TMC6: variants seen among roughly 807,000 people sequenced by gnomAD.
TMC6 encodes transmembrane channel like 6.
Under a neutral mutation model 95.4 loss-of-function variants are expected in TMC6, and 71 were observed. The observed-to-expected ratio is 0.74, with a 90% CI of 0.61 to 0.91. The LOEUF (loss-of-function observed/expected upper bound fraction) is 0.91. TMC6 is among the 40% of genes least tolerant of loss of function. TMC6 has a pLI of 0.00. For missense variants in TMC6, 1,074 were observed against 1,079.1 expected (o/e 1.00, Z 0.07); for synonymous variants, 514 against 483.1 (o/e 1.06, Z -0.84).
In TMC6 at chr17:78,108,108, C is replaced by G. The variant is rs2073736404; in HGVS notation, c.*5040G>C. On this transcript the variant is annotated 3_prime_UTR_variant, in exon 20 of 20. Coordinates refer to ENST00000590602, the MANE Select transcript of TMC6 (RefSeq NM_001127198.5). ...GGTGTTACAGACAGGCCTCTGAAGA[C>G]AAACCGAGCACCCCAGCGGCCCCTC... The G allele has an allele frequency of 6.6e-6, 1 of 152,258 alleles. No homozygotes were observed. The highest frequency in any genetic ancestry group is 1.5e-5 in the Non-Finnish European group (1 of 68,094). The allele number at this position is 152,258 out of a possible 1,614,324, so 9.4% of individuals were successfully genotyped here. A position where few individuals can be genotyped will look rare whatever the true frequency, so the allele number is the denominator to read the frequency against.
chr17:78,119,355 G>T lies in TMC6; in HGVS notation c.1753C>A (p.Pro585Thr), dbSNP rs377112991. 61 of 1,613,930 alleles carry T rather than the reference G, an allele frequency of 3.8e-5. No homozygotes were observed. Among genetic ancestry groups the T allele is most frequent in the Non-Finnish European group, 4.5e-5 (53 of 1,180,036 alleles). ...SEKKLKRRRKPEFDIARNVLE... is the reference protein window; with the variant it reads ...SEKKLKRRRKTEFDIARNVLE... Reference sequence around the variant, plus strand: ...ACATTCCGGGCAATGTCAAACTCCGGCTTCCGCCTCCTCTTCAGCTTCTTC... The same window carrying T: ...ACATTCCGGGCAATGTCAAACTCCGTCTTCCGCCTCCTCTTCAGCTTCTTC... Residue 585 changes from proline (P) to threonine (T), a missense_variant, in exon 14 of 20, where the codon CCG becomes ACG. Coordinates refer to ENST00000590602, the MANE Select transcript of TMC6 (RefSeq NM_001127198.5).
At chr17:78,116,552 C>T (rs1260523995) in intron 18 of TMC6, among the ~76,000 whole-genome samples, 1 of 152,020 alleles carries the variant, frequency 6.6e-6, no homozygotes, top group African/African-American at 2.4e-5. Flanking sequence ...GGACTATAGG[C>T]ATGAGCCCCA....
rs75460323 is a variant in TMC6, at chr17:78,117,210, G to A, written c.2277+59C>T. 6,396 of 1,567,796 alleles carry A rather than the reference G, an allele frequency of 4.1e-3. 85 individuals carry two copies. Among genetic ancestry groups the A allele is most frequent in the African/African-American group, 0.028 (2,108 of 74,198 alleles). Reference sequence around the variant, plus strand: ...GATGTACAGGGGAGTGGAGGGGAGCGTCACCCTCAGGTGACCTGAGAGGGT... The same window carrying A: ...GATGTACAGGGGAGTGGAGGGGAGCATCACCCTCAGGTGACCTGAGAGGGT... On this transcript the variant is annotated intron_variant, in intron 18 of 19. Coordinates refer to ENST00000590602, the MANE Select transcript of TMC6 (RefSeq NM_001127198.5).
Position 78,120,802 on chromosome 17 carries a change from C to A in TMC6, c.1566G>T (p.Gly522=), listed in dbSNP as rs2074375146. The change falls in exon 13 of 20, where the codon GGG becomes GGT. Residue 522 remains glycine, a synonymous_variant. Transcript: ENST00000590602. ...GGCCCAGCCAGTGGTAGCACAGTGTCCCCAGGATGGCCAGCTTGAGGATGA... is the reference window on the plus strand; with the variant it reads ...GGCCCAGCCAGTGGTAGCACAGTGTACCCAGGATGGCCAGCTTGAGGATGA... The part of the protein sequence containing the change: ...RNLILKLAIL[G]TLCYHWLGRR... 6.2e-7 allele frequency: 1 copy of A among 1,613,182 alleles called. No individual in the cohort carries two copies. Among genetic ancestry groups the A allele is most frequent in the Non-Finnish European group, 8.5e-7 (1 of 1,179,536 alleles).
rs1176544511 is a variant in TMC6, at chr17:78,128,050, G to A, written c.-75+562C>T. 6.6e-6 allele frequency among the ~76,000 whole-genome samples: 1 copy of A among 152,234 alleles called. No homozygotes were observed. Among genetic ancestry groups the A allele is most frequent in the Non-Finnish European group, 1.5e-5 (1 of 68,038 alleles). The stretch of plus-strand genomic sequence containing the variant: ...CCAGACAGGCCCTTCTAAGCTCAGG[G>A]AACCCGGGGACTCGGGCACCCAGCG... On this transcript the variant is annotated intron_variant, in intron 1 of 19. Coordinates refer to ENST00000590602, the MANE Select transcript of TMC6 (RefSeq NM_001127198.5). The surrounding 1 kb of genome is among the most constrained non-coding windows in gnomAD (Gnocchi z 4.0).
At position 78,126,654 on chromosome 17, in the gene TMC6, G is replaced by A. The variant is rs1199059724; in HGVS notation, c.57-6C>T. On this transcript the variant is annotated splice_region_variant and splice_polypyrimidine_tract_variant and intron_variant, in intron 2 of 19. Transcript: ENST00000590602. ...CATAGGGGCTGGGGCCCTGGCTGCA[G>A]AGGGGGTTGGCGGGGGGGTCAGGCT... 4.3e-6 allele frequency: 7 copies of A among 1,612,890 alleles called. No homozygotes were observed. Among genetic ancestry groups the A allele is most frequent in the East Asian group, 2.2e-5 (1 of 44,894 alleles).
At chr17:78,118,899 G>A in intron 15 of TMC6, 72 bp downstream of exon 15, 1 of 1,497,832 alleles carries the variant, frequency 6.7e-7, no homozygotes, top group Non-Finnish European at 9.1e-7. Flanking sequence ...CCCAGGCTCT[G>A]CCCAGCTGAG....
At chr17:78,127,261 ACCT>A (rs2074765828) in intron 1 of TMC6, among the ~76,000 whole-genome samples, 1 of 151,910 alleles carries the variant, frequency 6.6e-6, no homozygotes. Flanking sequence ...GCACAGAGAC[ACCT>A]CCTTTTTGGA....
At position 78,113,720 on chromosome 17, in the gene TMC6, G is replaced by A. The variant is rs2073911119; in HGVS notation, c.2278-96C>T. 8 of 1,298,146 alleles carry A rather than the reference G, an allele frequency of 6.2e-6. No individual in the cohort carries two copies. In the South Asian group the frequency reaches 9.4e-5, roughly 15 times the overall value. The allele number at this position is 1,298,146 out of a possible 1,614,324, so 80.4% of individuals were successfully genotyped here. On this transcript the variant is annotated intron_variant, in intron 18 of 19. Coordinates refer to ENST00000590602, the MANE Select transcript of TMC6 (RefSeq NM_001127198.5). The stretch of plus-strand genomic sequence containing the variant: ...CTGCATTTGAGGGAAAACTCACGAG[G>A]TGTATTCAACATCGCAAGCAGCAAA...
chr17:78,118,126 G>T, intron 15 of TMC6, 191 bp from the exon 16 acceptor site: 1 of 949,610 alleles, frequency 1.1e-6, no homozygotes, highest in Non-Finnish European at 1.5e-6. Context: ...AACGGGTGAT[G>T]CCAACAGCAC....
Position 78,121,476 on chromosome 17 carries a change from G to C in TMC6, c.1383+80C>G, listed in dbSNP as rs1040391613. 3.1e-6 allele frequency: 5 copies of C among 1,593,974 alleles called. No individual in the cohort carries two copies. In the African/African-American group the frequency reaches 5.4e-5, roughly 17 times the overall value. Reference sequence around the variant, plus strand: ...GGCTGGGTGGAGGAGGAGAGGCAAGGCTGCCTCCCCAGGGGGCAGGTGCCC... The same window carrying C: ...GGCTGGGTGGAGGAGGAGAGGCAAGCCTGCCTCCCCAGGGGGCAGGTGCCC... On this transcript the variant is annotated intron_variant, in intron 11 of 19. Coordinates refer to ENST00000590602, the MANE Select transcript of TMC6 (RefSeq NM_001127198.5). The surrounding 1 kb of genome is among the most constrained non-coding windows in gnomAD (Gnocchi z 5.6).
upstream of TMC6, chr17:78,130,513 T>G (rs2074935171): frequency 6.6e-6 from 1 of 152,392 alleles, no homozygotes; most frequent in Admixed American, 6.5e-5. Context: ...CCCGGACCAG[T>G]GGACCCTAGG....
rs374714724 is a variant in TMC6, at chr17:78,109,418, G to A, written c.*3730C>T. 2.4e-5 allele frequency: 11 copies of A among 456,454 alleles called. No individual in the cohort carries two copies. The highest frequency in any genetic ancestry group is 1.2e-4 in the African/African-American group (6 of 50,154). 28.3% of individuals were successfully genotyped at this position (456,454 alleles called of 1,614,324 possible). The stretch of plus-strand genomic sequence containing the variant: ...TTAGCTCTGCATATCAGTGCTTCTC[G>A]GCGGAGCTGTGGCTGATGGGCTCCT... On this transcript the variant is annotated 3_prime_UTR_variant, in exon 20 of 20. Transcript: ENST00000590602.
At position 78,128,187 on chromosome 17, in the gene TMC6, C is replaced by T. The variant is rs1007852340; in HGVS notation, c.-75+425G>A. Among the ~76,000 whole-genome samples, 6 of 152,154 alleles carry T rather than the reference C, an allele frequency of 3.9e-5. No individual in the cohort carries two copies. The highest frequency in any genetic ancestry group is 1.4e-4 in the African/African-American group (6 of 41,434). ...GCGCCCGTTTCCAGGAACCCCCACC[C>T]CAGCCGGCAGCGAGCTTCCCGGGAG... On this transcript the variant is annotated intron_variant, in intron 1 of 19. Transcript: ENST00000590602. This position sits in a 1 kb window ranked among gnomAD's most constrained non-coding sequence, Gnocchi z 4.0.
At position 78,128,088 on chromosome 17, in the gene TMC6, G is replaced by A. The variant is rs1164295332; in HGVS notation, c.-75+524C>T. ...CGGGCACCCAGCGCCCCAGCACTCC[G>A]CCCCGAGGCCCAGGCAAGTCCAGCG... On this transcript the variant is annotated intron_variant, in intron 1 of 19. Coordinates refer to ENST00000590602, the MANE Select transcript of TMC6 (RefSeq NM_001127198.5). The surrounding 1 kb of genome is among the most constrained non-coding windows in gnomAD (Gnocchi z 4.0). Among the ~76,000 whole-genome samples, 1 of 152,184 alleles carries A rather than the reference G, an allele frequency of 6.6e-6. No homozygotes were observed. Among genetic ancestry groups the A allele is most frequent in the Non-Finnish European group, 1.5e-5 (1 of 68,024 alleles).
chr17:78,115,063 C>T (rs2073992597), intron 18 of TMC6, among the ~76,000 whole-genome samples: 1 of 152,264 alleles, frequency 6.6e-6, no homozygotes, highest in Non-Finnish European at 1.5e-5. Context: ...ACAACCACCG[C>T]AGCCGAGATG....
rs537200296 is a variant in TMC6 at position 78,120,716 on chromosome 17, C to T, written c.1652G>A (p.Arg551Gln). ...GAGGACGAAGTCCATCACCAGGAAC[C>T]GGTACAGCTCCTGGCCCACAAAATC... is the stretch of plus-strand genomic sequence containing the variant. ...WEDFVGQELY[R>Q]FLVMDFVLML... The change falls in exon 13 of 20, where the codon CGG (arginine) becomes CAG (glutamine). Residue 551 changes from arginine (R) to glutamine (Q), a missense_variant. Transcript: ENST00000590602. The T allele has an allele frequency of 6.2e-6, 10 of 1,613,986 alleles. No individual in the cohort carries two copies. Among genetic ancestry groups the T allele is most frequent in the South Asian group, 3.3e-5 (3 of 91,088 alleles).
At chr17:78,117,781 C>G (rs1183704594) in intron 16 of TMC6, 21 bp downstream of exon 16, 1 of 1,599,718 alleles carries the variant, frequency 6.3e-7, no homozygotes, top group African/African-American at 1.3e-5. Flanking sequence ...AGAAGGGTCT[C>G]CCTCCACCCG....
In TMC6 at chr17:78,126,604, A is replaced by C. The variant is rs768634486; in HGVS notation, c.101T>G (p.Phe34Cys). 6 of 1,613,498 alleles carry C rather than the reference A, an allele frequency of 3.7e-6. No homozygotes were observed. The Admixed American group carries it at 1.0e-4, about 27-fold the overall frequency. The change falls in exon 3 of 20, where the codon TTC (phenylalanine) becomes TGC (cysteine). Residue 34 changes from phenylalanine (F) to cysteine (C), a missense_variant. Physicochemically the swap from Phe to Cys is radical, Grantham distance 205. Transcript: ENST00000590602. ...PYDESEVHDSFQQLIQEQSQC... is the reference protein window; with the variant it reads ...PYDESEVHDSCQQLIQEQSQC... ...GCTCTGCTCCTGGATGAGCTGCTGG[A>C]AGGAGTCGTGCACTTCGCTTTCATC...
Sources: allele counts gnomAD v4.1 joint callset (sites outside exome capture counted in the v4.1 genomes callset), GRCh38; gene constraint gnomAD v4.1.1; non-coding constraint Gnocchi (gnomAD v3.1); transcripts MANE v1.5; gene names NCBI Gene and HGNC (gene_info 2026-07-23, HGNC 2026-07-21).